GMPR: variants seen among roughly 807,000 people sequenced by gnomAD.
GMPR encodes the protein guanosine monophosphate reductase.
GMPR carries 31 observed loss-of-function variants against 38.4 expected under a neutral mutation model. The ratio of observed to expected loss-of-function variants is 0.81; its 90% CI spans 0.61 to 1.09. The LOEUF is 1.09. Ranked by LOEUF, GMPR falls within the 50% of genes least tolerant of loss-of-function variation. The probability of loss-of-function intolerance (pLI) is 0.00; values close to 1 mark genes in which losing one functional copy is unlikely to be tolerated. For synonymous variants in GMPR, 162 were observed against 173.3 expected, an observed-to-expected ratio of 0.93 and a Z score of 0.51; for missense variants, 468 against 453.7, an observed-to-expected ratio of 1.03 and a Z score of -0.29.
At chr6:16,264,678 T>TG (rs1183669144) in intron 4 of GMPR, 8 of 149,580 alleles carry the variant, frequency 5.3e-5, no homozygotes, top group South Asian at 2.1e-4. Flanking sequence ...GTGGGCAGAG[T>TG]GGGGGTCACA....
At chr6:16,241,913 A>G (rs1758655911) in intron 1 of GMPR, among the ~76,000 whole-genome samples, 2 of 151,706 alleles carry the variant, frequency 1.3e-5, no homozygotes, top group African/African-American at 4.8e-5. Context: ...TAATTTTTGT[A>G]TTTTTAGTAG....
intron 8 of GMPR, among the ~76,000 whole-genome samples, chr6:16,292,295 G>T (rs1368439852): frequency 1.3e-5 from 2 of 151,980 alleles, no homozygotes; most frequent in Non-Finnish European, 2.9e-5. Context: ...ATTTGTAGGT[G>T]GGGGGATTGG....
chr6:16,259,877 C>T (rs943079144), intron 4 of GMPR, among the ~76,000 whole-genome samples: 26 of 152,082 alleles, frequency 1.7e-4, no homozygotes, highest in Admixed American at 1.6e-3. Context: ...CAGGAGATAT[C>T]AGCTGTGATG....
chr6:16,287,740 A>G (rs1339657668), intron 7 of GMPR, among the ~76,000 whole-genome samples: 2 of 152,218 alleles, frequency 1.3e-5, no homozygotes, highest in Non-Finnish European at 2.9e-5. Context: ...CCAGGGAGTC[A>G]GCATTCGTGT....
intron 7 of GMPR, among the ~76,000 whole-genome samples, chr6:16,286,743 A>C (rs1029020682): frequency 2.4e-4 from 37 of 151,654 alleles, no homozygotes; most frequent in African/African-American, 9.0e-4. Flanking sequence ...TCTCTACTAA[A>C]AATACAAAAA....
At chr6:16,255,736 T>C (rs1417766582) in intron 4 of GMPR, among the ~76,000 whole-genome samples, 1 of 152,236 alleles carries the variant, frequency 6.6e-6, no homozygotes, top group East Asian at 1.9e-4. Flanking sequence ...CACATACTGA[T>C]TGACCACTAG....
chr6:16,262,501 C>T (rs1398797163), intron 4 of GMPR: 7 of 151,576 alleles, frequency 4.6e-5, no homozygotes, highest in Non-Finnish European at 7.4e-5. Flanking sequence ...CTGGCTGCTG[C>T]GGTTCAGGCG....
intron 4 of GMPR, among the ~76,000 whole-genome samples, chr6:16,265,958 G>GC (rs1165970874): frequency 6.6e-6 from 1 of 152,094 alleles, no homozygotes; most frequent in Non-Finnish European, 1.5e-5. Context: ...CCCGCCGGGA[G>GC]AAAGGAACAA....
chr6:16,239,492 G>A (rs919994006), intron 1 of GMPR, among the ~76,000 whole-genome samples: 1 of 152,234 alleles, frequency 6.6e-6, no homozygotes, highest in Non-Finnish European at 1.5e-5. Flanking sequence ...GAAATAGCCT[G>A]AGGCTGGGGG....
At chr6:16,257,388 C>A (rs144948192) in intron 4 of GMPR, among the ~76,000 whole-genome samples, 1 of 152,150 alleles carries the variant, frequency 6.6e-6, no homozygotes, top group Non-Finnish European at 1.5e-5. Flanking sequence ...AGTGGTCATC[C>A]TTTATGTCTT....
chr6:16,273,811 A>ATTTTT (rs772416416), intron 4 of GMPR, among the ~76,000 whole-genome samples: 5 of 112,836 alleles, frequency 4.4e-5, no homozygotes, highest in African/African-American at 1.1e-4. Context: ...TCCCTCTAAG[A>ATTTTT]TTTTTTTTTT....
intron 4 of GMPR, among the ~76,000 whole-genome samples, chr6:16,260,315 T>C (rs897264695): frequency 6.6e-6 from 1 of 152,010 alleles, no homozygotes; most frequent in Non-Finnish European, 1.5e-5. Context: ...TAATAAAGGC[T>C]GGTCTGTTAT....
chr6:16,254,876 G>T, intron 4 of GMPR, 141 bp downstream of exon 4: 1 of 608,996 alleles, frequency 1.6e-6, no homozygotes, highest in Non-Finnish European at 2.9e-6. Context: ...GATCATTTGG[G>T]AAAGGATAGG....
chr6:16,254,439 A>G (rs1320555911), intron 3 of GMPR, 123 bp from the exon 4 acceptor site: 1 of 746,868 alleles, frequency 1.3e-6, no homozygotes, highest in Non-Finnish European at 2.3e-6. Flanking sequence ...TGCACTGTGC[A>G]TTTGATTAGG....
chr6:16,289,105 T>G (rs1217465623), intron 7 of GMPR, among the ~76,000 whole-genome samples: 1 of 152,232 alleles, frequency 6.6e-6, no homozygotes, highest in Admixed American at 6.5e-5. Flanking sequence ...TAGATTCTGT[T>G]GCTGCTCGGT....
intron 4 of GMPR, among the ~76,000 whole-genome samples, chr6:16,256,787 A>T (rs1758988970): frequency 6.6e-6 from 1 of 152,216 alleles, no homozygotes; most frequent in Non-Finnish European, 1.5e-5. Context: ...CTTTTGTTCT[A>T]ATATTTGGTC....
chr6:16,286,497 G>C (rs996118548), intron 7 of GMPR, among the ~76,000 whole-genome samples: 3 of 152,044 alleles, frequency 2.0e-5, no homozygotes, highest in African/African-American at 7.2e-5. Flanking sequence ...TGTGGGTGCC[G>C]GCGGGAGGCA....
At chr6:16,267,641 G>A (rs990938753) in intron 4 of GMPR, among the ~76,000 whole-genome samples, 2 of 152,118 alleles carry the variant, frequency 1.3e-5, no homozygotes, top group East Asian at 1.9e-4. Context: ...CACCGCAGCC[G>A]AAGGTCTGTG....
At chr6:16,257,455 T>C (rs1298442162) in intron 4 of GMPR, among the ~76,000 whole-genome samples, 1 of 152,254 alleles carries the variant, frequency 6.6e-6, no homozygotes, top group Non-Finnish European at 1.5e-5. Context: ...TTATGTCAGC[T>C]GTATATATAT....
Sources: allele counts gnomAD v4.1 joint callset (sites outside exome capture counted in the v4.1 genomes callset), GRCh38; gene constraint gnomAD v4.1.1; transcripts MANE v1.5; gene names NCBI Gene and HGNC (gene_info 2026-07-23, HGNC 2026-07-21).